IGF2R: variants seen among roughly 807,000 people sequenced by gnomAD.
The protein encoded by IGF2R is insulin like growth factor 2 receptor, also known as cation-independent mannose-6-phosphate receptor.
In IGF2R, 91 loss-of-function variants were observed where a neutral mutation model predicts 270.6. That is an observed-to-expected ratio of 0.34 (90% confidence interval 0.28 to 0.40). The LOEUF (loss-of-function observed/expected upper bound fraction) is 0.40, where lower values mean the gene tolerates loss of function less well. Among genes scored for constraint, IGF2R ranks in the 10% least tolerant of loss-of-function variants. The probability of loss-of-function intolerance (pLI) is 1.00; values close to 1 mark genes in which losing one functional copy is unlikely to be tolerated. For synonymous variants in IGF2R, 1,316 were observed against 1,258.9 expected (o/e 1.05, Z -0.96); for missense variants, 2,805 against 3,188.3 (o/e 0.88, Z 2.90).
At chr6:160,062,360 G>T (rs1778459300) in intron 25 of IGF2R, among the ~76,000 whole-genome samples, 172 bp from the exon 26 acceptor site, 2 of 151,942 alleles carry the variant, frequency 1.3e-5, no homozygotes, top group South Asian at 4.2e-4. Context: ...TTTTAGTAGA[G>T]ACGGGGTTTC....
chr6:160,001,028 C>T (rs187279883), intron 2 of IGF2R, among the ~76,000 whole-genome samples: 74 of 152,166 alleles, frequency 4.9e-4, no homozygotes, highest in African/African-American at 1.4e-3. Context: ...TGAGCCACCA[C>T]GCCTGGCCTG....
chr6:160,018,080 T>TA (rs1777346660), intron 4 of IGF2R, among the ~76,000 whole-genome samples: 1 of 151,884 alleles, frequency 6.6e-6, no homozygotes, highest in Admixed American at 6.6e-5. Context: ...ATTTAAAAAA[T>TA]AAAAGACAGA....
rs936720445 is a variant in IGF2R at position 160,079,908 on chromosome 6, C to T, written c.5686+121C>T. 61 of 1,029,682 alleles carry T rather than the reference C, an allele frequency of 5.9e-5. No homozygotes were observed. In the African/African-American group the frequency reaches 7.1e-4, roughly 12 times the overall value. The allele number at this position is 1,029,682 out of a possible 1,614,324, so 63.8% of individuals were successfully genotyped here. ...GTCCTATGAGTGCTGTAACCTTGGG[C>T]GTGAATGTGAGCTGTTCCTCTGTAC... is the stretch of plus-strand genomic sequence containing the variant. On this transcript the variant is annotated intron_variant, in intron 38 of 47. Coordinates refer to ENST00000356956, the MANE Select transcript of IGF2R (RefSeq NM_000876.4).
chr6:160,082,075 A>G (rs1183479192), intron 39 of IGF2R, among the ~76,000 whole-genome samples: 1 of 152,192 alleles, frequency 6.6e-6, no homozygotes, highest in Non-Finnish European at 1.5e-5. Context: ...TGTCCATGAA[A>G]TCTTCACAAT....
intron 29 of IGF2R, among the ~76,000 whole-genome samples, chr6:160,067,987 AT>A (rs899869302): frequency 1.3e-5 from 2 of 150,794 alleles, no homozygotes; most frequent in African/African-American, 2.4e-5. Flanking sequence ...TAAAATTTAA[AT>A]TTTTTTTTAA....
chr6:160,069,782 C>G, intron 30 of IGF2R, 86 bp from the exon 31 acceptor site: 1 of 1,195,608 alleles, frequency 8.4e-7, no homozygotes, highest in Non-Finnish European at 1.2e-6. Context: ...AGTTCTGCAG[C>G]GTGTGTGACA....
rs138582522 is a variant in IGF2R at position 160,060,323 on chromosome 6, C to G, written c.3092-224C>G. ...CCTGTTGTAACACAGGCCACTGTTG[C>G]AGTGAGTGTGTAAACCTGTCATAGG... On this transcript the variant is annotated intron_variant, in intron 22 of 47. Coordinates refer to ENST00000356956, the MANE Select transcript of IGF2R (RefSeq NM_000876.4). 3.9e-4 allele frequency among the ~76,000 whole-genome samples: 59 copies of G among 152,344 alleles called. No homozygotes were observed. The East Asian group carries it at 0.01, about 26-fold the overall frequency.
At chr6:160,087,482 C>T (rs887214155) in intron 41 of IGF2R, among the ~76,000 whole-genome samples, 2 of 152,174 alleles carry the variant, frequency 1.3e-5, no homozygotes, top group East Asian at 1.9e-4. Context: ...CCACAAAGTA[C>T]GGGAGTAGGA....
intron 21 of IGF2R, 134 bp downstream of exon 21, chr6:160,058,258 G>A: frequency 1.6e-6 from 1 of 638,668 alleles, no homozygotes; most frequent in Non-Finnish European, 2.9e-6. Flanking sequence ...GAAGGAGATG[G>A]GAAAATCCAG....
intron 2 of IGF2R, among the ~76,000 whole-genome samples, chr6:159,997,353 AC>A (rs1784068258): frequency 6.6e-6 from 1 of 152,104 alleles, no homozygotes; most frequent in Non-Finnish European, 1.5e-5. Context: ...CTCTGGTGAT[AC>A]GGAGACATCA....
At chr6:160,078,029 G>A (rs1458918497) in intron 36 of IGF2R, among the ~76,000 whole-genome samples, 172 bp from the exon 37 acceptor site, 1 of 152,244 alleles carries the variant, frequency 6.6e-6, no homozygotes, top group Non-Finnish European at 1.5e-5. Context: ...AGGGCAGGGT[G>A]ATGTCTGTGC....
intron 7 of IGF2R, 39 bp downstream of exon 7, chr6:160,029,694 G>T (rs1200880869): frequency 2.1e-6 from 3 of 1,453,232 alleles, no homozygotes; most frequent in Non-Finnish European, 2.9e-6. Flanking sequence ...GTGGCGCACA[G>T]TAGCCTGGGT....
chr6:159,969,810 C>G (rs1783580747), intron 1 of IGF2R, among the ~76,000 whole-genome samples: 1 of 152,320 alleles, frequency 6.6e-6, no homozygotes. Context: ...CAGCGGGGCA[C>G]CGGTGAGGCC....
At chr6:160,039,142 G>A (rs1190437240) in intron 10 of IGF2R, among the ~76,000 whole-genome samples, 1 of 152,210 alleles carries the variant, frequency 6.6e-6, no homozygotes, top group African/African-American at 2.4e-5. Context: ...ATCATAGAGT[G>A]TACTTAACAC....
At position 160,063,504 on chromosome 6, in the gene IGF2R, G is replaced by A. The variant is rs1361486626; in HGVS notation, c.3760G>A (p.Glu1254Lys). The change falls in exon 27 of 48, where the codon GAA becomes AAA. Residue 1254 changes from glutamate (E) to lysine (K), a missense_variant. Transcript: ENST00000356956. ...GLNDTIVSAGEYTYYFRVCGK... is the reference protein window; with the variant it reads ...GLNDTIVSAGKYTYYFRVCGK... ...CAACGACACCATCGTGAGCGCTGGC[G>A]AATACACTTATTACTTCCGGGTCTG... is the stretch of plus-strand genomic sequence containing the variant. The A allele has an allele frequency of 4.3e-6, 7 of 1,614,040 alleles. No homozygotes were observed. Among genetic ancestry groups the A allele is most frequent in the East Asian group, 2.2e-5 (1 of 44,890 alleles).
At chr6:160,039,463 G>A (rs981593517) in intron 10 of IGF2R, among the ~76,000 whole-genome samples, 2 of 152,186 alleles carry the variant, frequency 1.3e-5, no homozygotes, top group African/African-American at 4.8e-5. Flanking sequence ...TTATGTAGCC[G>A]AGGTGCTGAG....
intron 6 of IGF2R, among the ~76,000 whole-genome samples, 193 bp downstream of exon 6, chr6:160,027,507 T>C (rs1777588383): frequency 6.6e-6 from 1 of 152,272 alleles, no homozygotes; most frequent in Non-Finnish European, 1.5e-5. Context: ...TACTTTTTAA[T>C]CATTTGTCTC....
At chr6:160,017,808 C>A (rs140287807) in intron 4 of IGF2R, among the ~76,000 whole-genome samples, 1 of 152,180 alleles carries the variant, frequency 6.6e-6, no homozygotes, top group East Asian at 1.9e-4. Context: ...CATGCAAATG[C>A]TGAGGGAATT....
chr6:160,073,295 G>A lies in IGF2R; in HGVS notation c.4773G>A (p.Val1591=), dbSNP rs1291613839. 1 of 1,614,238 alleles carries A rather than the reference G, an allele frequency of 6.2e-7. No homozygotes were observed. The highest frequency in any genetic ancestry group is 1.7e-5 in the Admixed American group (1 of 60,032). ...ACGTGGACCAGGTCCTGCAGCTGGT[G>A]TACAAGGATGGGTCCCCTTGTCCCT... ...LRYVDQVLQL[V]YKDGSPCPSK... Residue 1591 remains valine (V), a synonymous_variant, in exon 34 of 48, where the codon GTG becomes GTA. Transcript: ENST00000356956.
Sources: gnomAD v4.1 joint callset for allele counts (sites outside exome capture counted in the v4.1 genomes callset) on GRCh38, gnomAD v4.1.1 for gene constraint, MANE v1.5 for transcripts, NCBI Gene and HGNC (gene_info 2026-07-23, HGNC 2026-07-21) for gene names.